The following CFAP44 variants were observed in gnomAD, a reference collection of about 807,000 sequenced individuals.
CFAP44 encodes cilia and flagella associated protein 44, also known as cilia- and flagella-associated protein 44.
In CFAP44, 134 loss-of-function variants were observed where a neutral mutation model predicts 216.2. That is an observed-to-expected ratio of 0.62 (90% CI 0.54 to 0.72). CFAP44 has a LOEUF of 0.72. Among genes scored for constraint, CFAP44 ranks in the 30% least tolerant of loss-of-function variants. The pLI, the probability that CFAP44 is intolerant of heterozygous loss-of-function variation, is 0.00. For synonymous variants in CFAP44, 700 were observed against 727.6 expected (o/e 0.96, Z 0.61); for missense variants, 2,035 against 2,182.1 (o/e 0.93, Z 1.34).
intron 28 of CFAP44, among the ~76,000 whole-genome samples, chr3:113,325,300 CAA>C (rs541100248): frequency 0.048 from 3,389 of 70,906 alleles, 44 homozygotes; most frequent in East Asian, 0.088. Flanking sequence ...GACTCCGTCT[CAA>C]AAAAAAAAAA....
intron 15 of CFAP44, among the ~76,000 whole-genome samples, chr3:113,383,439 A>T (rs1933565636): frequency 6.6e-6 from 1 of 152,156 alleles, no homozygotes; most frequent in Non-Finnish European, 1.5e-5. Context: ...CACCCTCATG[A>T]CCTAATTCCC....
intron 24 of CFAP44, among the ~76,000 whole-genome samples, chr3:113,334,299 G>T (rs868223208): frequency 1.1e-4 from 16 of 152,048 alleles, no homozygotes; most frequent in African/African-American, 2.2e-4. Flanking sequence ...TTTCAGAAAA[G>T]GTATCTAGTT....
At chr3:113,319,106 A>G (rs1015515806) in intron 28 of CFAP44, among the ~76,000 whole-genome samples, 6 of 152,196 alleles carry the variant, frequency 3.9e-5, no homozygotes, top group African/African-American at 1.4e-4. Flanking sequence ...TTGAATGTAA[A>G]TGGGCTAAAC....
At position 113,379,530 on chromosome 3, in the gene CFAP44, T is replaced by C; in HGVS notation, c.2074A>G (p.Arg692Gly). The change falls in exon 17 of 35, where the codon AGG (arginine) becomes GGG (glycine). Residue 692 changes from arginine (R) to glycine (G), a missense_variant. This residue lies in a region of CFAP44 where 1,883 missense variants were observed against 2,023.7 expected (regional missense o/e 0.93). Transcript: ENST00000393845. ...KILRLIEIEK[R>G]ERQRELKEKI... ...TCCTTCAACTCCCTTTGTCTCTCCC[T>C]CTTTTCAATTTCTATTAATCTCTTT... 1 of 1,588,308 alleles carries C rather than the reference T, an allele frequency of 6.3e-7. No homozygotes were observed. The highest frequency in any genetic ancestry group is 8.6e-7 in the Non-Finnish European group (1 of 1,158,842).
intron 5 of CFAP44, among the ~76,000 whole-genome samples, chr3:113,419,314 T>C (rs1318930692): frequency 6.6e-6 from 1 of 152,102 alleles, no homozygotes; most frequent in Non-Finnish European, 1.5e-5. Flanking sequence ...TTTTTACAAA[T>C]ATAGGTCTTG....
Position 113,341,733 on chromosome 3 carries a change from A to G in CFAP44, c.3437+11T>C. Reference sequence around the variant, plus strand: ...TTAAAAAGATAAGAGTTTAGGTAAAAAAAAACTCACAGTTCCTCCCATTCT... The same window carrying G: ...TTAAAAAGATAAGAGTTTAGGTAAAGAAAAACTCACAGTTCCTCCCATTCT... On this transcript the variant is annotated intron_variant, in intron 24 of 34. Coordinates refer to ENST00000393845, the MANE Select transcript of CFAP44 (RefSeq NM_001164496.2). 6.8e-7 allele frequency: 1 copy of G among 1,467,776 alleles called. No individual in the cohort carries two copies. Among genetic ancestry groups the G allele is most frequent in the Non-Finnish European group, 8.9e-7 (1 of 1,122,142 alleles). 90.9% of individuals were successfully genotyped at this position (1,467,776 alleles called of 1,614,324 possible). A position where few individuals can be genotyped will look rare whatever the true frequency, so the allele number is the denominator to read the frequency against.
chr3:113,370,827 A>G (rs1157197390), intron 18 of CFAP44, among the ~76,000 whole-genome samples: 2 of 152,116 alleles, frequency 1.3e-5, no homozygotes, highest in Admixed American at 6.5e-5. Flanking sequence ...ATATTTAGAA[A>G]ACCCCACTGT....
At chr3:113,378,764 C>T (rs1325611371) in intron 17 of CFAP44, among the ~76,000 whole-genome samples, 2 of 152,096 alleles carry the variant, frequency 1.3e-5, no homozygotes, top group South Asian at 4.2e-4. Context: ...CCATTTTTCC[C>T]TTCTTCCTTA....
intron 21 of CFAP44, among the ~76,000 whole-genome samples, chr3:113,359,180 T>C (rs1035112496): frequency 2.6e-5 from 4 of 152,218 alleles, no homozygotes; most frequent in Non-Finnish European, 5.9e-5. Flanking sequence ...TCAAAGAAAC[T>C]ACTATTACAT....
intron 15 of CFAP44, among the ~76,000 whole-genome samples, chr3:113,394,785 G>A (rs185747115): frequency 1.8e-4 from 27 of 152,222 alleles, no homozygotes; most frequent in East Asian, 1.7e-3. Flanking sequence ...TTTGTGTTGC[G>A]CCTCATTCAA....
At chr3:113,350,951 G>A (rs1041222376) in intron 22 of CFAP44, among the ~76,000 whole-genome samples, 1 of 152,198 alleles carries the variant, frequency 6.6e-6, no homozygotes, top group African/African-American at 2.4e-5. Context: ...ACCAGACCTA[G>A]GAGGAACTCC....
chr3:113,366,331 T>C (rs761551040), intron 18 of CFAP44, 22 bp from the exon 19 acceptor site: 38 of 1,587,586 alleles, frequency 2.4e-5, no homozygotes, highest in Non-Finnish European at 3.1e-5. Flanking sequence ...AAAATGTAAA[T>C]TGTTCTTCCC....
At chr3:113,358,662 C>A (rs1950512647) in intron 22 of CFAP44, 83 bp downstream of exon 22, 12 of 1,465,392 alleles carry the variant, frequency 8.2e-6, no homozygotes, top group Non-Finnish European at 9.9e-6. Context: ...TCTTAACTGG[C>A]CACTTCACTG....
At chr3:113,374,802 T>C (rs1157256392) in intron 17 of CFAP44, among the ~76,000 whole-genome samples, 1 of 152,100 alleles carries the variant, frequency 6.6e-6, no homozygotes, top group Non-Finnish European at 1.5e-5. Context: ...GTCCACCTAA[T>C]TTTTTCTATT....
At chr3:113,365,903 T>C (rs1950582558) in intron 19 of CFAP44, 136 bp downstream of exon 19, 12 of 961,234 alleles carry the variant, frequency 1.2e-5, no homozygotes, top group Middle Eastern at 3.4e-4. Context: ...AGTCAAATTA[T>C]AATAGTAGCA....
intron 17 of CFAP44, among the ~76,000 whole-genome samples, chr3:113,376,275 G>A (rs1221248737): frequency 3.3e-5 from 5 of 152,202 alleles, no homozygotes; most frequent in African/African-American, 7.2e-5. Context: ...GACATGTATG[G>A]TTTAAAAGTA....
intron 9 of CFAP44, 31 bp downstream of exon 9, chr3:113,403,821 G>A (rs765661948): frequency 6.2e-7 from 1 of 1,600,742 alleles, no homozygotes; most frequent in Non-Finnish European, 8.5e-7. Flanking sequence ...TTAAACGTGG[G>A]TGCTACCATC....
chr3:113,337,095 A>G (rs1392137931), intron 24 of CFAP44, among the ~76,000 whole-genome samples: 1 of 150,734 alleles, frequency 6.6e-6, no homozygotes, highest in East Asian at 1.9e-4. Flanking sequence ...TACAACTGAG[A>G]CAGTTCAGAA....
intron 19 of CFAP44, among the ~76,000 whole-genome samples, chr3:113,364,820 T>A (rs1411610146): frequency 6.6e-6 from 1 of 152,148 alleles, no homozygotes; most frequent in Non-Finnish European, 1.5e-5. Flanking sequence ...TGTTCTTGGG[T>A]GGGCTCTGGC....
Sources: gnomAD v4.1 joint callset for allele counts (sites outside exome capture counted in the v4.1 genomes callset) on GRCh38, gnomAD v4.1.1 for gene constraint, gnomAD v4.1.1 regional missense constraint, MANE v1.5 for transcripts, NCBI Gene and HGNC (gene_info 2026-07-23, HGNC 2026-07-21) for gene names.